CCDC148: variants seen among roughly 807,000 people sequenced by gnomAD.
CCDC148 encodes coiled-coil domain-containing protein 148.
CCDC148 carries 89 observed loss-of-function variants against 85.7 expected under a neutral mutation model. That is an observed-to-expected ratio of 1.04 (90% CI 0.87 to 1.24). CCDC148 has a LOEUF of 1.24. CCDC148 is among the 50% of genes most tolerant of loss of function. CCDC148 has a pLI of 0.00. For synonymous variants in CCDC148, 230 were observed against 213.9 expected, an observed-to-expected ratio of 1.08 and a Z score of -0.66; for missense variants, 692 against 671.7, an observed-to-expected ratio of 1.03 and a Z score of -0.33.
chr2:158,205,774 A>G (rs1010757742), intron 11 of CCDC148, among the ~76,000 whole-genome samples: 1 of 152,174 alleles, frequency 6.6e-6, no homozygotes, highest in African/African-American at 2.4e-5. Context: ...ACAGGTCAGA[A>G]CAAGAGAAAG....
intron 10 of CCDC148, among the ~76,000 whole-genome samples, chr2:158,227,402 A>G (rs1431978793): frequency 1.3e-5 from 2 of 152,098 alleles, no homozygotes; most frequent in Non-Finnish European, 2.9e-5. Context: ...TATAGATTCA[A>G]TGCCATCCCC....
chr2:158,354,085 C>G (rs200482455), intron 2 of CCDC148, among the ~76,000 whole-genome samples: 27,455 of 150,316 alleles, frequency 0.18, 3,050 homozygotes, highest in Non-Finnish European at 0.25. Flanking sequence ...GCAGTGTGTA[C>G]AGGGAAATTT....
intron 1 of CCDC148, among the ~76,000 whole-genome samples, chr2:158,383,066 G>A (rs1684944154): frequency 6.6e-6 from 1 of 151,654 alleles, no homozygotes; most frequent in Non-Finnish European, 1.5e-5. Context: ...CTGTGAGGCT[G>A]AGGCAGATGG....
intron 1 of CCDC148, among the ~76,000 whole-genome samples, chr2:158,444,917 G>A (rs1430403159): frequency 6.6e-6 from 1 of 151,948 alleles, no homozygotes; most frequent in African/African-American, 2.4e-5. Flanking sequence ...TAGAAAGAAG[G>A]GGGGAAACAA....
At chr2:158,201,726 G>T (rs1327722660) in intron 11 of CCDC148, among the ~76,000 whole-genome samples, 3 of 151,998 alleles carry the variant, frequency 2.0e-5, no homozygotes, top group African/African-American at 4.8e-5. Flanking sequence ...GTTTTCAAAA[G>T]TTACTTAAAA....
intron 10 of CCDC148, among the ~76,000 whole-genome samples, chr2:158,243,614 C>T (rs1443396855): frequency 6.6e-6 from 1 of 152,084 alleles, no homozygotes; most frequent in Non-Finnish European, 1.5e-5. Flanking sequence ...ATGAGAAGCA[C>T]CGTTGATCTC....
At chr2:158,258,048 G>A (rs1043442551) in intron 9 of CCDC148, among the ~76,000 whole-genome samples, 2 of 151,828 alleles carry the variant, frequency 1.3e-5, no homozygotes, top group Non-Finnish European at 2.9e-5. Flanking sequence ...TAAAAATTAA[G>A]AGGACTAGAT....
At chr2:158,452,686 C>T (rs551222697) in intron 1 of CCDC148, among the ~76,000 whole-genome samples, 3 of 152,282 alleles carry the variant, frequency 2.0e-5, no homozygotes, top group African/African-American at 7.2e-5. Context: ...AATGGTTAGG[C>T]AGTGGATTGG....
intron 7 of CCDC148, among the ~76,000 whole-genome samples, chr2:158,318,072 T>C (rs1022589089): frequency 6.6e-6 from 1 of 152,206 alleles, no homozygotes; most frequent in African/African-American, 2.4e-5. Context: ...TTTCAATTTT[T>C]TCTTTCCAAG....
At chr2:158,354,399 A>G (rs1683506950) in intron 2 of CCDC148, among the ~76,000 whole-genome samples, 1 of 152,132 alleles carries the variant, frequency 6.6e-6, no homozygotes, top group African/African-American at 2.4e-5. Context: ...AGGGGATCTC[A>G]CCACCGATCC....
At chr2:158,286,353 T>A (rs746757680) in intron 9 of CCDC148, among the ~76,000 whole-genome samples, 2 of 152,194 alleles carry the variant, frequency 1.3e-5, no homozygotes, top group Non-Finnish European at 2.9e-5. Context: ...AACAACTTTA[T>A]AAGAGAAATT....
intron 1 of CCDC148, among the ~76,000 whole-genome samples, chr2:158,411,157 G>A (rs1686241983): frequency 6.6e-6 from 1 of 152,094 alleles, no homozygotes; most frequent in Admixed American, 6.6e-5. Context: ...ATGTGCCTCA[G>A]AGTAGACCTC....
chr2:158,240,450 T>TCACACACACACACACA (rs1284517602), intron 10 of CCDC148, among the ~76,000 whole-genome samples: 3 of 92,482 alleles, frequency 3.2e-5, no homozygotes, highest in African/African-American at 1.0e-4. Flanking sequence ...TCTCTCTCTC[T>TCACACACACACACACA]CTCACACACA....
intron 9 of CCDC148, chr2:158,288,595 C>T (rs1450813444): frequency 1.2e-5 from 2 of 164,696 alleles, no homozygotes; most frequent in Non-Finnish European, 2.6e-5. Context: ...CCCTGGACCT[C>T]ATTGTTCATA....
intron 2 of CCDC148, among the ~76,000 whole-genome samples, chr2:158,355,207 T>C (rs1683560442): frequency 6.6e-6 from 1 of 151,968 alleles, no homozygotes; most frequent in South Asian, 2.1e-4. Flanking sequence ...CTATTCAACA[T>C]AGTGTTGGAA....
chr2:158,338,803 G>A lies in CCDC148; in HGVS notation c.687C>T (p.Leu229=), dbSNP rs1682521082. 6 of 1,611,540 alleles carry A rather than the reference G, an allele frequency of 3.7e-6. No individual in the cohort carries two copies. The highest frequency in any genetic ancestry group is 1.3e-5 in the African/African-American group (1 of 74,730). The change falls in exon 7 of 14, where the codon CTC becomes CTT. Residue 229 remains leucine, a synonymous_variant. Coordinates refer to ENST00000283233, the MANE Select transcript of CCDC148 (RefSeq NM_138803.4). ...TCTGTGTAAACTTATAGAACTCACT[G>A]AGAATTGAAGATTTCAAATCAGGGT... ...CPYPDLKSSI[L]SEFYKFTQKY... is the part of the protein sequence containing the mutation.
At chr2:158,204,648 C>G (rs986341727) in intron 11 of CCDC148, among the ~76,000 whole-genome samples, 3 of 152,142 alleles carry the variant, frequency 2.0e-5, no homozygotes. Flanking sequence ...CCCTGCCATT[C>G]AAGTCCTCCA....
intron 1 of CCDC148, chr2:158,425,056 C>G (rs576754112): frequency 4.4e-6 from 2 of 449,778 alleles, no homozygotes; most frequent in Admixed American, 4.7e-5. Flanking sequence ...CCTAGGGGGT[C>G]GTGACCAAGG....
chr2:158,190,038 A>T (rs1685346346), intron 11 of CCDC148, among the ~76,000 whole-genome samples: 1 of 152,026 alleles, frequency 6.6e-6, no homozygotes, highest in Non-Finnish European at 1.5e-5. Flanking sequence ...TTAAATATAC[A>T]TTATTCCTTT....
Sources: allele counts gnomAD v4.1 joint callset (sites outside exome capture counted in the v4.1 genomes callset), GRCh38; gene constraint gnomAD v4.1.1; transcripts MANE v1.5; gene names NCBI Gene and HGNC (gene_info 2026-07-23, HGNC 2026-07-21).